Variants in GBE1 observed in about 807,000 individuals in gnomAD.
The protein encoded by GBE1 is 1,4-alpha-glucan branching enzyme 1, also known as 1,4-alpha-glucan-branching enzyme.
Under a neutral mutation model 88.8 loss-of-function variants are expected in GBE1, and 70 were observed. That is an observed-to-expected ratio of 0.79 (90% CI 0.65 to 0.96). The LOEUF (loss-of-function observed/expected upper bound fraction) is 0.96, where lower values mean the gene tolerates loss of function less well. GBE1 is among the 40% of genes least tolerant of loss of function. GBE1 has a pLI of 0.00. For missense variants in GBE1, 872 were observed against 871.0 expected, an observed-to-expected ratio of 1.00 and a Z score of -0.01; for synonymous variants, 284 against 300.1, an observed-to-expected ratio of 0.95 and a Z score of 0.56.
chr3:81,623,514 T>C (rs1456108106), intron 7 of GBE1, among the ~76,000 whole-genome samples: 3 of 152,232 alleles, frequency 2.0e-5, no homozygotes, highest in African/African-American at 4.8e-5. Context: ...CACCAAAGTA[T>C]AGGGCTGTGA....
intron 3 of GBE1, among the ~76,000 whole-genome samples, chr3:81,650,915 ATCC>A (rs1452647297): frequency 1.2e-4 from 19 of 152,144 alleles, no homozygotes; most frequent in African/African-American, 4.1e-4. Context: ...GGCTCAAGTG[ATCC>A]TCCTGTCTCA....
chr3:81,501,000 A>G (rs1325941402), intron 14 of GBE1, among the ~76,000 whole-genome samples: 2 of 152,140 alleles, frequency 1.3e-5, no homozygotes, highest in Non-Finnish European at 2.9e-5. Flanking sequence ...ACTACCCATC[A>G]GGTACTATGC....
At chr3:81,661,455 C>T (rs1705030347) in intron 3 of GBE1, among the ~76,000 whole-genome samples, 1 of 152,052 alleles carries the variant, frequency 6.6e-6, no homozygotes, top group South Asian at 2.1e-4. Context: ...AAATGTATCC[C>T]ACAACCACCT....
chr3:81,535,217 C>T lies in GBE1; in HGVS notation c.1912G>A (p.Val638Ile). ...HPSKSYTDYR[V>I]GTALPGKFKI... is the part of the protein sequence containing the mutation. ...TATTTCCCTGGCAATGCTGTTCCAA[C>T]TCGGTAGTCAGTGTAGCTCTTGCTT... The change falls in exon 14 of 16, where the codon GTT becomes ATT. Residue 638 changes from valine to isoleucine, a missense_variant. Val to Ile is a conservative substitution (Grantham distance 29, BLOSUM62 3). Coordinates refer to ENST00000429644, the MANE Select transcript of GBE1 (RefSeq NM_000158.4). The T allele has an allele frequency of 6.2e-7, 1 of 1,610,254 alleles. No homozygotes were observed.
intron 7 of GBE1, among the ~76,000 whole-genome samples, chr3:81,638,200 G>C (rs1234500623): frequency 6.6e-6 from 1 of 152,038 alleles, no homozygotes; most frequent in Non-Finnish European, 1.5e-5. Context: ...AACTCTAGTT[G>C]CTCAAGAAAA....
chr3:81,740,460 T>C (rs1706330770), intron 1 of GBE1, among the ~76,000 whole-genome samples: 1 of 151,730 alleles, frequency 6.6e-6, no homozygotes. Context: ...AAAAAACAAA[T>C]AATCATGAAT....
intron 12 of GBE1, among the ~76,000 whole-genome samples, chr3:81,544,735 T>C (rs748438090): frequency 1.2e-4 from 19 of 152,162 alleles, no homozygotes; most frequent in African/African-American, 2.2e-4. Context: ...AAAATTCCAA[T>C]TGGGACTCCT....
At chr3:81,666,285 G>C (rs1705112958) in intron 3 of GBE1, among the ~76,000 whole-genome samples, 1 of 152,186 alleles carries the variant, frequency 6.6e-6, no homozygotes, top group African/African-American at 2.4e-5. Flanking sequence ...AGAGTGGATG[G>C]TAGCCTGGAG....
chr3:81,491,265 G>A (rs1205813832), intron 15 of GBE1, among the ~76,000 whole-genome samples: 1 of 152,140 alleles, frequency 6.6e-6, no homozygotes, highest in African/African-American at 2.4e-5. Flanking sequence ...TTCCAATCAT[G>A]GCAGCTTTTT....
intron 2 of GBE1, among the ~76,000 whole-genome samples, chr3:81,694,102 C>T (rs538925301): frequency 6.6e-6 from 1 of 151,844 alleles, no homozygotes; most frequent in South Asian, 2.1e-4. Context: ...CTTTTTAACA[C>T]TAGTAACTAG....
chr3:81,614,188 CT>C (rs2106998546), intron 7 of GBE1, among the ~76,000 whole-genome samples: 1 of 152,226 alleles, frequency 6.6e-6, no homozygotes, highest in South Asian at 2.1e-4. Flanking sequence ...TTCACAATTA[CT>C]TTTAAAGCAT....
At position 81,705,590 on chromosome 3, in the gene GBE1, A is replaced by C; in HGVS notation, c.167T>G (p.Leu56Trp). Reference sequence around the variant, plus strand: ...ACCTTCATTTTCTCCAATGTTCTTCAAAATTTGGCTAAACTGCTTATACCT... The same window carrying C: ...ACCTTCATTTTCTCCAATGTTCTTCCAAATTTGGCTAAACTGCTTATACCT... ...QRRYKQFSQI[L>W]KNIGENEGGI... Residue 56 changes from leucine to tryptophan, a missense_variant, in exon 2 of 16, where the codon TTG becomes TGG. Coordinates refer to ENST00000429644, the MANE Select transcript of GBE1 (RefSeq NM_000158.4). 6.4e-7 allele frequency: 1 copy of C among 1,567,016 alleles called. No individual in the cohort carries two copies. The highest frequency in any genetic ancestry group is 8.7e-7 in the Non-Finnish European group (1 of 1,155,014).
At position 81,629,018 on chromosome 3, in the gene GBE1, G is replaced by GTTTTTTT. The variant is rs34707682; in HGVS notation, c.992+13756_992+13762dup. ...AATAATTAGTGACTATTATGTTTAA[G>GTTTTTTT]TTTTTTTTTTTTTTTTTTTTTTATT... On this transcript the variant is annotated intron_variant, in intron 7 of 15. Transcript: ENST00000429644. 7.2e-3 allele frequency among the ~76,000 whole-genome samples: 703 copies of GTTTTTTT among 97,722 alleles called. 1 individual carries two copies. Among genetic ancestry groups the GTTTTTTT allele is most frequent in the African/African-American group, 0.019 (425 of 22,458 alleles). 64.1% of individuals were successfully genotyped at this position (97,722 alleles called of 152,430 possible).
rs1220875081 is a variant in GBE1 at position 81,706,951 on chromosome 3, A to AAGGTCTTT, written c.144-1339_144-1338insAAAGACCT. ...GAATTGAAATAATTAAAGAAAAACAATGAATTTGAATATATTAAAAAGAAC... is the reference window on the plus strand; with the variant it reads ...GAATTGAAATAATTAAAGAAAAACAAAGGTCTTTTGAATTTGAATATATTAAAAAGAAC... On this transcript the variant is annotated intron_variant, in intron 1 of 15. Coordinates refer to ENST00000429644, the MANE Select transcript of GBE1 (RefSeq NM_000158.4). Among the ~76,000 whole-genome samples the AAGGTCTTT allele has an allele frequency of 2.6e-5, 4 of 152,146 alleles. No homozygotes were observed. In the East Asian group the frequency reaches 5.8e-4, roughly 22 times the overall value.
chr3:81,499,642 A>T (rs1252840567), intron 14 of GBE1, among the ~76,000 whole-genome samples: 1 of 152,206 alleles, frequency 6.6e-6, no homozygotes, highest in Non-Finnish European at 1.5e-5. Flanking sequence ...TAATAGTTAT[A>T]CTATCTCCAT....
chr3:81,725,691 C>G (rs898201952), intron 1 of GBE1, among the ~76,000 whole-genome samples: 7 of 152,160 alleles, frequency 4.6e-5, no homozygotes, highest in Non-Finnish European at 1.0e-4. Context: ...TTTTCATCAG[C>G]ATCTCTAGAA....
intron 3 of GBE1, among the ~76,000 whole-genome samples, chr3:81,656,526 T>C (rs1191570984): frequency 6.6e-6 from 1 of 152,172 alleles, no homozygotes; most frequent in African/African-American, 2.4e-5. Context: ...ATTTACATTA[T>C]TTAAAGCCAA....
At chr3:81,696,948 G>A (rs1705604732) in intron 2 of GBE1, among the ~76,000 whole-genome samples, 1 of 152,092 alleles carries the variant, frequency 6.6e-6, no homozygotes, top group South Asian at 2.1e-4. Flanking sequence ...GGACTTCTGT[G>A]ACCAAAGGTA....
intron 12 of GBE1, among the ~76,000 whole-genome samples, chr3:81,544,158 T>C (rs1422032946): frequency 6.6e-6 from 1 of 152,154 alleles, no homozygotes; most frequent in Non-Finnish European, 1.5e-5. Flanking sequence ...TAAGGGCTTT[T>C]AAGCAAAATA....
Sources: gnomAD v4.1 joint callset for allele counts (sites outside exome capture counted in the v4.1 genomes callset) on GRCh38, gnomAD v4.1.1 for gene constraint, MANE v1.5 for transcripts, NCBI Gene and HGNC (gene_info 2026-07-23, HGNC 2026-07-21) for gene names.